GPHN: variants seen among roughly 807,000 people sequenced by gnomAD.
GPHN encodes the protein gephyrin.
GPHN carries 17 observed loss-of-function variants against 95.5 expected under a neutral mutation model. The ratio of observed to expected loss-of-function variants is 0.18; its 90% CI spans 0.12 to 0.27. The LOEUF (loss-of-function observed/expected upper bound fraction) is 0.27. Ranked by LOEUF, GPHN falls within the 10% of genes least tolerant of loss-of-function variation. The pLI is 1.00. For synonymous variants in GPHN, 320 were observed against 322.5 expected (o/e 0.99, Z 0.08); for missense variants, 660 against 978.1 (o/e 0.67, Z 4.34).
chr14:67,662,521 ATTTCTTCT>A, the GPHN span: 1 of 1,611,360 alleles, frequency 6.2e-7, no homozygotes, highest in Non-Finnish European at 8.5e-7. Flanking sequence ...TCCCTGATCA[ATTTCTTCT>A]TTTCTTCTAG....
chr14:67,413,188 G>A, the GPHN span, among the ~76,000 whole-genome samples: 4 of 152,220 alleles, frequency 2.6e-5, no homozygotes, highest in African/African-American at 7.2e-5. Flanking sequence ...CCATATTGGA[G>A]CCTGGAACAG....
chr14:66,854,667 A>G (rs1294307879), intron 4 of GPHN, among the ~76,000 whole-genome samples: 1 of 152,190 alleles, frequency 6.6e-6, no homozygotes, highest in Non-Finnish European at 1.5e-5. Context: ...TCCAGAGTCT[A>G]AGTAATTTAA....
intron 2 of GPHN, among the ~76,000 whole-genome samples, chr14:66,730,173 G>A (rs534116346): frequency 9.1e-4 from 138 of 152,318 alleles, no homozygotes; most frequent in African/African-American, 3.2e-3. Context: ...GGTACAAGAA[G>A]TTACTAGGAA....
chr14:66,967,172 TA>T (rs2069393618), intron 9 of GPHN, among the ~76,000 whole-genome samples: 1 of 151,930 alleles, frequency 6.6e-6, no homozygotes, highest in Non-Finnish European at 1.5e-5. Context: ...AAGATAAAGT[TA>T]TCACTCTGGT....
chr14:67,724,398 T>A, the GPHN span: 1 of 967,642 alleles, frequency 1.0e-6, no homozygotes, highest in African/African-American at 1.6e-5. Context: ...TAGAGTTTTT[T>A]TTTTTTTTTT....
At chr14:66,899,495 T>C (rs1481286952) in intron 5 of GPHN, among the ~76,000 whole-genome samples, 3 of 151,972 alleles carry the variant, frequency 2.0e-5, no homozygotes, top group Non-Finnish European at 4.4e-5. Flanking sequence ...TTTTGTCCGG[T>C]GAATTTCCTG....
the GPHN span, among the ~76,000 whole-genome samples, chr14:67,406,228 C>T: frequency 8.1e-5 from 12 of 147,528 alleles, no homozygotes; most frequent in South Asian, 2.4e-3. Flanking sequence ...CACTGCACTC[C>T]AGCCTCGGTG....
chr14:67,582,680 A>G, the GPHN span, among the ~76,000 whole-genome samples: 1 of 152,018 alleles, frequency 6.6e-6, no homozygotes, highest in East Asian at 1.9e-4. The surrounding 1 kb of genome is among the most constrained non-coding windows in gnomAD (Gnocchi z 5.0). Context: ...ATAAAATAAA[A>G]ATAAAAATTA....
chr14:67,688,598 CTTTTT>C, the GPHN span, among the ~76,000 whole-genome samples: 1 of 136,542 alleles, frequency 7.3e-6, no homozygotes. Flanking sequence ...GCTTTGAACT[CTTTTT>C]TTTTTTTTTT....
chr14:66,879,682 A>G (rs1333309961), intron 4 of GPHN, among the ~76,000 whole-genome samples: 1 of 152,134 alleles, frequency 6.6e-6, no homozygotes, highest in Non-Finnish European at 1.5e-5. Flanking sequence ...TGAGATTTCT[A>G]TCAAATACTT....
At chr14:66,567,140 G>T (rs1481564087) in intron 1 of GPHN, among the ~76,000 whole-genome samples, 5 of 152,128 alleles carry the variant, frequency 3.3e-5, no homozygotes, top group African/African-American at 1.2e-4. Flanking sequence ...CCAGATAAAG[G>T]ATGAATAAGA....
At chr14:67,113,322 T>A (rs973051533) in intron 16 of GPHN, 151 bp downstream of exon 16, 1 of 756,288 alleles carries the variant, frequency 1.3e-6, no homozygotes, top group African/African-American at 1.7e-5. Context: ...TAAATTGGCT[T>A]TAGGATAGTT....
the GPHN span, among the ~76,000 whole-genome samples, chr14:67,341,327 C>A: frequency 6.6e-6 from 1 of 151,974 alleles, no homozygotes; most frequent in Non-Finnish European, 1.5e-5. Flanking sequence ...CCGGCCACCC[C>A]GTCTGAGAAG....
At chr14:66,696,860 G>C (rs1164199058) in intron 2 of GPHN, among the ~76,000 whole-genome samples, 2 of 152,164 alleles carry the variant, frequency 1.3e-5, no homozygotes, top group South Asian at 4.1e-4. Flanking sequence ...TTCCTTTTAA[G>C]AAATGTATGT....
intron 2 of GPHN, among the ~76,000 whole-genome samples, chr14:66,712,765 G>A (rs2069778443): frequency 6.6e-6 from 1 of 152,180 alleles, no homozygotes; most frequent in Non-Finnish European, 1.5e-5. Flanking sequence ...CCTACCAGCA[G>A]TGTAGAAGTG....
chr14:67,201,885 A>G, the GPHN span: 1 of 179,490 alleles, frequency 5.6e-6, no homozygotes, highest in Non-Finnish European at 1.2e-5. Flanking sequence ...CCCATCCTCC[A>G]GTCTCTTCTT....
chr14:66,527,591 C>T (rs1303498046), intron 1 of GPHN, among the ~76,000 whole-genome samples: 2 of 152,070 alleles, frequency 1.3e-5, no homozygotes, highest in African/African-American at 4.8e-5. Context: ...CCTGCTTTCT[C>T]TTGTGGGCCT....
At chr14:67,321,997 G>A in the GPHN span, among the ~76,000 whole-genome samples, 694 of 152,216 alleles carry the variant, frequency 4.6e-3, 3 homozygotes, top group Non-Finnish European at 7.0e-3. Flanking sequence ...TGAATGCTTG[G>A]TTGTATGAAA....
At chr14:67,473,353 T>G in the GPHN span, 1 of 1,571,386 alleles carries the variant, frequency 6.4e-7, no homozygotes. The surrounding 1 kb of genome is among the most constrained non-coding windows in gnomAD (Gnocchi z 6.5). Context: ...TGGGGCAACC[T>G]CACCAGCTTG....
Sources: allele counts gnomAD v4.1 joint callset (sites outside exome capture counted in the v4.1 genomes callset), GRCh38; gene constraint gnomAD v4.1.1; non-coding constraint Gnocchi (gnomAD v3.1); transcripts MANE v1.5; gene names NCBI Gene and HGNC (gene_info 2026-07-23, HGNC 2026-07-21).